Variants in HEATR1 observed in about 807,000 individuals in gnomAD.
The protein encoded by HEATR1 is HEAT repeat-containing protein 1.
HEATR1 carries 77 observed loss-of-function variants against 248.2 expected under a neutral mutation model. That is an observed-to-expected ratio of 0.31 (90% CI 0.26 to 0.37). HEATR1 has a LOEUF of 0.37. HEATR1 is among the 10% of genes least tolerant of loss of function. The pLI, the probability that HEATR1 is intolerant of heterozygous loss-of-function variation, is 1.00. For missense variants in HEATR1, 2,420 were observed against 2,504.9 expected (o/e 0.97, Z 0.72); for synonymous variants, 897 against 923.1 (o/e 0.97, Z 0.51).
rs939181489 is a variant in HEATR1 at position 236,598,206 on chromosome 1, T to C, written c.502-227A>G. On this transcript the variant is annotated intron_variant, in intron 4 of 44. Transcript: ENST00000366582. ...GGCAGAGGTATTTAGTGAAAGATGTTTGCTTATCGTATGTCACATTTTGAA... is the reference window on the plus strand; with the variant it reads ...GGCAGAGGTATTTAGTGAAAGATGTCTGCTTATCGTATGTCACATTTTGAA... 3.3e-4 allele frequency among the ~76,000 whole-genome samples: 50 copies of C among 152,200 alleles called. 1 individual carries two copies. The highest frequency in any genetic ancestry group is 7.3e-5 in the Non-Finnish European group (5 of 68,032).
At chr1:236,552,935 A>T (rs192092733) in intron 43 of HEATR1, 1 of 152,262 alleles carries the variant, frequency 6.6e-6, no homozygotes. Context: ...TCTCATTGTT[A>T]GCATATCCTA....
At chr1:236,593,795 T>G (rs1268238060) in intron 9 of HEATR1, among the ~76,000 whole-genome samples, 1 of 152,160 alleles carries the variant, frequency 6.6e-6, no homozygotes, top group Non-Finnish European at 1.5e-5. Context: ...ACCACTAACT[T>G]TCCATTTTCA....
At position 236,556,142 on chromosome 1, in the gene HEATR1, G is replaced by A. The variant is rs146784097; in HGVS notation, c.5472C>T (p.Pro1824=). 2.7e-3 allele frequency: 4,391 copies of A among 1,613,872 alleles called. 14 individuals are homozygous for A. The highest frequency in any genetic ancestry group is 3.5e-3 in the Non-Finnish European group (4,137 of 1,179,976). ...TCTGCTTGTAAGTTTTTTTGATGGC[G>A]GGCAACAGGACTCGGGGTGCAAGTG... ...ATTLAPRVLL[P]AIKKTYKQIE... is the part of the protein sequence containing the mutation. Residue 1824 remains proline, a synonymous_variant, in exon 38 of 45, where the codon CCC becomes CCT. Transcript: ENST00000366582.
At chr1:236,589,685 C>T (rs973430692) in intron 12 of HEATR1, among the ~76,000 whole-genome samples, 5 of 152,218 alleles carry the variant, frequency 3.3e-5, no homozygotes, top group African/African-American at 7.2e-5. Context: ...GGCACGTTTA[C>T]ACTGCCATGT....
At position 236,555,197 on chromosome 1, in the gene HEATR1, C is replaced by T. The variant is rs114102450; in HGVS notation, c.5923+99G>A. The T allele has an allele frequency of 1.2e-3, 1,524 of 1,252,508 alleles. 7 individuals carry two copies. The African/African-American group carries it at 0.016, about 13-fold the overall frequency. The allele number at this position is 1,252,508 out of a possible 1,614,324, so 77.6% of individuals were successfully genotyped here. On this transcript the variant is annotated intron_variant, in intron 41 of 44. Transcript: ENST00000366582. The stretch of plus-strand genomic sequence containing the variant: ...CCTCCTTAGCTTAGGACTTAAGAAC[C>T]TCTAAAATCTTGCTTCCAAGCACTA...
intron 21 of HEATR1, among the ~76,000 whole-genome samples, 171 bp from the exon 22 acceptor site, chr1:236,576,548 T>G (rs541869936): frequency 1.3e-5 from 2 of 152,230 alleles, no homozygotes; most frequent in African/African-American, 4.8e-5. Context: ...TGGCTTACTA[T>G]GAAAAGCTAC....
chr1:236,560,453 G>T (rs140286838), intron 33 of HEATR1, among the ~76,000 whole-genome samples: 49 of 152,322 alleles, frequency 3.2e-4, no homozygotes, highest in African/African-American at 1.1e-3. Context: ...GAGCTAGAGG[G>T]AAGAGTGGAG....
intron 34 of HEATR1, among the ~76,000 whole-genome samples, chr1:236,559,411 T>C (rs1295515937): frequency 6.6e-6 from 1 of 152,198 alleles, no homozygotes; most frequent in Non-Finnish European, 1.5e-5. Flanking sequence ...TCGAGGCCAG[T>C]GATATGTATG....
rs757776342 is a variant in HEATR1 at position 236,555,601 on chromosome 1, C to A, written c.5704G>T (p.Ala1902Ser). The change falls in exon 40 of 45, where the codon GCC (alanine) becomes TCC (serine). Residue 1902 changes from alanine to serine, a missense_variant. Ala to Ser is a moderately conservative substitution (Grantham distance 99). Coordinates refer to ENST00000366582, the MANE Select transcript of HEATR1 (RefSeq NM_018072.6). ...TENCIIDCLV[A>S]MVVKLSEVTF... ...ACCTCGGAAAGTTTGACAACCATGG[C>A]TACTAGACAGTCAATGATACAATTT... The A allele has an allele frequency of 1.2e-6, 2 of 1,614,222 alleles. No homozygotes were observed. The highest frequency in any genetic ancestry group is 1.7e-6 in the Non-Finnish European group (2 of 1,180,046).
Position 236,565,383 on chromosome 1 carries a change from C to A in HEATR1, c.4435+536G>T, listed in dbSNP as rs1163215606. On this transcript the variant is annotated intron_variant, in intron 31 of 44. Transcript: ENST00000366582. ...TGTTGCTCAGGCTGGTCTTGAACTG[C>A]GCTAAAGTGATCCTCCTGTCTCATT... Among the ~76,000 whole-genome samples the A allele has an allele frequency of 2.6e-5, 4 of 152,224 alleles. No individual in the cohort carries two copies. The South Asian group carries it at 8.3e-4, about 32-fold the overall frequency.
intron 32 of HEATR1, 33 bp from the exon 33 acceptor site, chr1:236,561,304 AGGG>A: frequency 5.1e-6 from 8 of 1,556,986 alleles, no homozygotes; most frequent in Non-Finnish European, 7.1e-6. Flanking sequence ...TTAGAACGGT[AGGG>A]AAGTCAATAA....
intron 30 of HEATR1, 48 bp downstream of exon 30, chr1:236,566,598 T>G (rs1276685172): frequency 7.5e-6 from 10 of 1,331,074 alleles, no homozygotes; most frequent in Non-Finnish European, 9.6e-6. Context: ...TCATAAAATC[T>G]GTGTGAGAAA....
rs779306731 is a variant in HEATR1 at position 236,558,271 on chromosome 1, T to G, written c.5170A>C (p.Thr1724Pro). The stretch of plus-strand genomic sequence containing the variant: ...TGGGGGATGGCCAGCGCCTCCAGGG[T>G]GGAGGTCACCTCTGCTATGCACAGC... The part of the protein sequence containing the change: ...ALLCIAEVTS[T>P]LEALAIPQLP... The change falls in exon 36 of 45, where the codon ACC (threonine) becomes CCC (proline). Residue 1724 changes from threonine (T) to proline (P), a missense_variant. Coordinates refer to ENST00000366582, the MANE Select transcript of HEATR1 (RefSeq NM_018072.6). 2.9e-5 allele frequency: 46 copies of G among 1,613,604 alleles called. No homozygotes were observed. Among genetic ancestry groups the G allele is most frequent in the Admixed American group, 1.8e-4 (11 of 59,976 alleles).
At chr1:236,597,453 A>G (rs951401676) in intron 5 of HEATR1, among the ~76,000 whole-genome samples, 2 of 152,054 alleles carry the variant, frequency 1.3e-5, no homozygotes, top group Non-Finnish European at 2.9e-5. Flanking sequence ...GTGTTTCACC[A>G]TGTTGGCCAG....
intron 41 of HEATR1, 90 bp from the exon 42 acceptor site, chr1:236,554,842 TA>T: frequency 4.3e-6 from 5 of 1,153,084 alleles, no homozygotes; most frequent in Non-Finnish European, 6.2e-6. Context: ...TTAAAATAAC[TA>T]AATCAGAAGA....
At chr1:236,597,381 C>A (rs1664205189) in intron 5 of HEATR1, among the ~76,000 whole-genome samples, 1 of 151,670 alleles carries the variant, frequency 6.6e-6, no homozygotes, top group South Asian at 2.1e-4. Flanking sequence ...GCCTCCCGAG[C>A]AGCTGGAATT....
At position 236,581,373 on chromosome 1, in the gene HEATR1, A is replaced by C; in HGVS notation, c.2604T>G (p.Ser868=). 6.3e-7 allele frequency: 1 copy of C among 1,575,588 alleles called. No homozygotes were observed. Among genetic ancestry groups the C allele is most frequent in the Non-Finnish European group, 8.6e-7 (1 of 1,167,870 alleles). The change falls in exon 20 of 45, where the codon TCT becomes TCG. Residue 868 remains serine (S), a synonymous_variant. Transcript: ENST00000366582. ...EDVFQLFKFC[S]VLWTYGSSLS... ...GGCTAGAACCATAGGTCCATAAAAC[A>C]GAACAGAACTTGAATAACTGAAAAA...
intron 11 of HEATR1, 124 bp downstream of exon 11, chr1:236,591,869 A>G (rs573397568): frequency 7.8e-5 from 46 of 586,272 alleles, no homozygotes; most frequent in African/African-American, 7.5e-4. Context: ...GGCAAACTGT[A>G]GAAGGTTATC....
intron 21 of HEATR1, 36 bp from the exon 22 acceptor site, chr1:236,576,413 T>C: frequency 6.9e-7 from 1 of 1,441,790 alleles, no homozygotes; most frequent in Non-Finnish European, 9.4e-7. Context: ...TAAAAAAGGG[T>C]TAAGAAACTA....
Sources: gnomAD v4.1 joint callset for allele counts (sites outside exome capture counted in the v4.1 genomes callset) on GRCh38, gnomAD v4.1.1 for gene constraint, MANE v1.5 for transcripts, NCBI Gene and HGNC (gene_info 2026-07-23, HGNC 2026-07-21) for gene names.